The following CNTNAP5 variants were observed in gnomAD, a reference collection of about 807,000 sequenced individuals.
The protein encoded by CNTNAP5 is contactin associated protein family member 5, also known as contactin-associated protein-like 5.
A neutral mutation model predicts 150.2 loss-of-function variants in CNTNAP5; 72 were observed. That is an observed-to-expected ratio of 0.48 (90% CI 0.40 to 0.58). The LOEUF is 0.58. Among genes scored for constraint, CNTNAP5 ranks in the 20% least tolerant of loss-of-function variants. CNTNAP5 has a pLI of 0.00. For missense variants in CNTNAP5, 1,636 were observed against 1,626.2 expected, an observed-to-expected ratio of 1.01 and a Z score of -0.10; for synonymous variants, 672 against 619.8, an observed-to-expected ratio of 1.08 and a Z score of -1.25.
chr2:124,460,364 C>T (rs1206492152), intron 6 of CNTNAP5, among the ~76,000 whole-genome samples: 1 of 152,142 alleles, frequency 6.6e-6, no homozygotes, highest in East Asian at 1.9e-4. Context: ...AGAAAGAATA[C>T]ATTATTTAAA....
chr2:124,758,229 A>G (rs1235396804), intron 14 of CNTNAP5, among the ~76,000 whole-genome samples: 1 of 152,172 alleles, frequency 6.6e-6, no homozygotes, highest in African/African-American at 2.4e-5. Flanking sequence ...GAAGTAAGAA[A>G]GAAATGAAGA....
chr2:124,106,642 C>T (rs1397406930), intron 1 of CNTNAP5, among the ~76,000 whole-genome samples: 1 of 152,154 alleles, frequency 6.6e-6, no homozygotes, highest in Non-Finnish European at 1.5e-5. Context: ...TTTGGATGTT[C>T]CTCAGCTATG....
chr2:124,799,063 T>A (rs1258658853), intron 19 of CNTNAP5, among the ~76,000 whole-genome samples: 4 of 152,178 alleles, frequency 2.6e-5, no homozygotes, highest in Non-Finnish European at 5.9e-5. Flanking sequence ...ATTTTATTTA[T>A]TATTTAAGCT....
In CNTNAP5 at chr2:124,920,675, T is replaced by C. The variant is rs138362969; in HGVS notation, c.*6387T>C. On this transcript the variant is annotated 3_prime_UTR_variant, in exon 24 of 24. Coordinates refer to ENST00000682447, the MANE Select transcript of CNTNAP5 (RefSeq NM_001367498.1). ...CTAGCCTAGGGCAGAAAGGCAGCCATGTATAAATGAATACCCATGGCCATG... is the reference window on the plus strand; with the variant it reads ...CTAGCCTAGGGCAGAAAGGCAGCCACGTATAAATGAATACCCATGGCCATG... Among the ~76,000 whole-genome samples the C allele has an allele frequency of 1.2e-3, 182 of 152,276 alleles. 1 individual carries two copies. Among genetic ancestry groups the C allele is most frequent in the African/African-American group, 4.1e-3 (172 of 41,580 alleles).
chr2:124,757,902 C>A (rs899242074), intron 14 of CNTNAP5, among the ~76,000 whole-genome samples: 2 of 152,120 alleles, frequency 1.3e-5, no homozygotes, highest in Non-Finnish European at 2.9e-5. Flanking sequence ...ATTTTATTGT[C>A]CACTTTATAA....
At chr2:124,372,535 G>A (rs1013082473) in intron 3 of CNTNAP5, among the ~76,000 whole-genome samples, 8 of 152,022 alleles carry the variant, frequency 5.3e-5, no homozygotes, top group African/African-American at 1.9e-4. Context: ...CAAGACCTAG[G>A]AACCAACTTG....
At chr2:124,466,942 A>G (rs1244342168) in intron 6 of CNTNAP5, among the ~76,000 whole-genome samples, 2 of 152,218 alleles carry the variant, frequency 1.3e-5, no homozygotes, top group Admixed American at 6.6e-5. Context: ...AAGGAAAATT[A>G]AAAATGATTA....
intron 3 of CNTNAP5, among the ~76,000 whole-genome samples, chr2:124,270,624 G>A (rs1209022832): frequency 6.6e-6 from 1 of 152,160 alleles, no homozygotes; most frequent in Non-Finnish European, 1.5e-5. Context: ...GGAGGAGAGT[G>A]AGAATGACTA....
Position 124,561,435 on chromosome 2 carries a change from A to G in CNTNAP5, c.1650-1782A>G, listed in dbSNP as rs527662538. On this transcript the variant is annotated intron_variant, in intron 10 of 23. Coordinates refer to ENST00000682447, the MANE Select transcript of CNTNAP5 (RefSeq NM_001367498.1). The stretch of plus-strand genomic sequence containing the variant: ...CAGGACAGGATCTCTGAGTTACCCA[A>G]GAGAAAAGCCTGTGGCCTCTGCTGT... Among the ~76,000 whole-genome samples the G allele has an allele frequency of 1.6e-4, 25 of 152,284 alleles. No homozygotes were observed. The South Asian group carries it at 2.9e-3, about 18-fold the overall frequency.
At chr2:124,820,536 A>AGG (rs113420502) in intron 19 of CNTNAP5, among the ~76,000 whole-genome samples, 74 of 149,562 alleles carry the variant, frequency 4.9e-4, no homozygotes, top group Admixed American at 1.2e-3. Context: ...CACAAAGGAA[A>AGG]GGGGGGGGAG....
At chr2:124,605,703 C>A (rs1037420612) in intron 11 of CNTNAP5, among the ~76,000 whole-genome samples, 3 of 150,322 alleles carry the variant, frequency 2.0e-5, no homozygotes, top group African/African-American at 4.9e-5. Flanking sequence ...GTAGTCCCAG[C>A]TACTCGGGAG....
chr2:124,057,743 T>TC (rs1681895267), intron 1 of CNTNAP5, among the ~76,000 whole-genome samples: 1 of 148,742 alleles, frequency 6.7e-6, no homozygotes, highest in Non-Finnish European at 1.5e-5. Flanking sequence ...ACAAGAAGGA[T>TC]GGTAACAGAG....
At position 124,242,119 on chromosome 2, in the gene CNTNAP5, C is replaced by G. The variant is rs552568000; in HGVS notation, c.188-81C>G. 28 of 1,154,858 alleles carry G rather than the reference C, an allele frequency of 2.4e-5. No individual in the cohort carries two copies. In the East Asian group the frequency reaches 5.9e-4, roughly 24 times the overall value. The allele number at this position is 1,154,858 out of a possible 1,614,324, so 71.5% of individuals were successfully genotyped here. ...GAGTCATCTTAGTTGAACACTGTTT[C>G]ATTTCCCTTTGATAGTTGAAAATTG... On this transcript the variant is annotated intron_variant, in intron 2 of 23. Transcript: ENST00000682447.
intron 11 of CNTNAP5, among the ~76,000 whole-genome samples, chr2:124,568,494 C>A (rs531668597): frequency 5.9e-5 from 9 of 152,266 alleles, no homozygotes; most frequent in African/African-American, 2.2e-4. Context: ...AGCACTTTCC[C>A]CTAGAGAATA....
In CNTNAP5 at chr2:124,125,099, T is replaced by C. The variant is rs187157000; in HGVS notation, c.83-96606T>C. Among the ~76,000 whole-genome samples the C allele has an allele frequency of 9.9e-5, 15 of 152,246 alleles. No homozygotes were observed. In the South Asian group the frequency reaches 2.5e-3, roughly 25 times the overall value. On this transcript the variant is annotated intron_variant, in intron 1 of 23. Transcript: ENST00000682447. ...CATGTAAATGGGCTAAATGCACCAA[T>C]TAAAAGACACAGACTGGCAAAATGG...
chr2:124,262,377 G>C (rs1164829941), intron 3 of CNTNAP5, among the ~76,000 whole-genome samples: 1 of 152,212 alleles, frequency 6.6e-6, no homozygotes, highest in Non-Finnish European at 1.5e-5. Flanking sequence ...AATAAATCCA[G>C]TGTGAGGCTA....
intron 17 of CNTNAP5, among the ~76,000 whole-genome samples, chr2:124,780,274 G>T (rs1240436611): frequency 1.3e-5 from 2 of 152,156 alleles, no homozygotes; most frequent in Admixed American, 1.3e-4. Flanking sequence ...AATGGGAAAT[G>T]ATTTGTGCCT....
At chr2:124,132,471 C>G (rs1260829685) in intron 1 of CNTNAP5, among the ~76,000 whole-genome samples, 1 of 152,136 alleles carries the variant, frequency 6.6e-6, no homozygotes, top group Non-Finnish European at 1.5e-5. Flanking sequence ...TATTATGCTT[C>G]CAAATGAGCT....
chr2:124,441,841 TG>T (rs1480837761), intron 5 of CNTNAP5, among the ~76,000 whole-genome samples: 1 of 151,500 alleles, frequency 6.6e-6, no homozygotes, highest in Non-Finnish European at 1.5e-5. Context: ...GACTCAATTT[TG>T]CATTATCTTT....
Sources: allele counts gnomAD v4.1 joint callset (sites outside exome capture counted in the v4.1 genomes callset), GRCh38; gene constraint gnomAD v4.1.1; transcripts MANE v1.5; gene names NCBI Gene and HGNC (gene_info 2026-07-23, HGNC 2026-07-21).